SLC36A4: variants seen among roughly 807,000 people sequenced by gnomAD.
SLC36A4 encodes solute carrier family 36 member 4, also known as neutral amino acid uniporter 4.
In SLC36A4, 49 loss-of-function variants were observed where a neutral mutation model predicts 50.5. The observed-to-expected ratio is 0.97, with a 90% CI of 0.77 to 1.23. The LOEUF (loss-of-function observed/expected upper bound fraction) is 1.23. SLC36A4 is among the 50% of genes most tolerant of loss of function. The pLI, the probability that SLC36A4 is intolerant of heterozygous loss-of-function variation, is 0.00. For synonymous variants in SLC36A4, 207 were observed against 206.5 expected (o/e 1.00, Z -0.02); for missense variants, 611 against 608.4 (o/e 1.00, Z -0.05).
chr11:93,144,652 T>C lies in SLC36A4; in HGVS notation c.*3885A>G, dbSNP rs1859814731. ...TTCTTAGGCATGTTTCCTTATCTCA[T>C]AGGTCAAAACCAATCAGTTTCAGAA... On this transcript the variant is annotated 3_prime_UTR_variant, in exon 11 of 11. Transcript: ENST00000326402. 6.6e-6 allele frequency: 1 copy of C among 152,088 alleles called. No individual in the cohort carries two copies. The highest frequency in any genetic ancestry group is 2.1e-4 in the South Asian group (1 of 4,832). The allele number at this position is 152,088 out of a possible 1,614,324, so 9.4% of individuals were successfully genotyped here.
Position 93,154,280 on chromosome 11 carries a change from G to T in SLC36A4, c.1038-3C>A. The stretch of plus-strand genomic sequence containing the variant: ...GAATTTTCACTGATTGATATAACCT[G>T]TTGAAAAAAATTTTCAAAATTTAGT... On this transcript the variant is annotated splice_region_variant and splice_polypyrimidine_tract_variant and intron_variant, in intron 9 of 10. Transcript: ENST00000326402. The T allele has an allele frequency of 7.4e-7, 1 of 1,348,546 alleles. No homozygotes were observed. The highest frequency in any genetic ancestry group is 9.7e-7 in the Non-Finnish European group (1 of 1,035,126). The allele number at this position is 1,348,546 out of a possible 1,614,324, so 83.5% of individuals were successfully genotyped here. A position where few individuals can be genotyped will look rare whatever the true frequency, so the allele number is the denominator to read the frequency against.
chr11:93,179,862 A>C lies in SLC36A4; in HGVS notation c.540+935T>G, dbSNP rs76145441. On this transcript the variant is annotated intron_variant, in intron 6 of 10. Coordinates refer to ENST00000326402, the MANE Select transcript of SLC36A4 (RefSeq NM_152313.4). ...TATGGCTGAACTCAGTAGTTACAAC[A>C]GAGACCATATGGCCTGCAAAGCAGA... Among the ~76,000 whole-genome samples, 751 of 152,324 alleles carry C rather than the reference A, an allele frequency of 4.9e-3. 6 individuals carry two copies. Among genetic ancestry groups the C allele is most frequent in the African/African-American group, 0.017 (721 of 41,588 alleles).
chr11:93,181,278 T>G (rs1484748496), intron 5 of SLC36A4, among the ~76,000 whole-genome samples: 1 of 152,078 alleles, frequency 6.6e-6, no homozygotes, highest in Non-Finnish European at 1.5e-5. Context: ...TAGCCATACC[T>G]CAGATAAGCA....
intron 3 of SLC36A4, 54 bp from the exon 4 acceptor site, chr11:93,182,948 C>A: frequency 7.8e-7 from 1 of 1,283,780 alleles, no homozygotes; most frequent in Non-Finnish European, 1.1e-6. Flanking sequence ...ATTGAGTAAT[C>A]TTATAAGCAA....
chr11:93,176,415 A>G (rs1357133651), intron 6 of SLC36A4, among the ~76,000 whole-genome samples: 3 of 152,150 alleles, frequency 2.0e-5, no homozygotes, highest in Admixed American at 1.3e-4. Flanking sequence ...TTGCCAGTCT[A>G]TGTCTTTTAA....
rs542201669 is a variant in SLC36A4 at position 93,194,123 on chromosome 11, G to A, written c.55+3655C>T. Among the ~76,000 whole-genome samples, 5 of 151,928 alleles carry A rather than the reference G, an allele frequency of 3.3e-5. No homozygotes were observed. In the East Asian group the frequency reaches 5.8e-4, roughly 18 times the overall value. Reference sequence around the variant, plus strand: ...TTTTAAAAATTAAGTAGAAATAAGGGGAAGTAAATATATCAAAATGTGAGC... The same window carrying A: ...TTTTAAAAATTAAGTAGAAATAAGGAGAAGTAAATATATCAAAATGTGAGC... On this transcript the variant is annotated intron_variant, in intron 1 of 10. Transcript: ENST00000326402.
Position 93,162,894 on chromosome 11 carries a change from A to T in SLC36A4, c.868-19T>A, listed in dbSNP as rs1192351907. On this transcript the variant is annotated intron_variant, in intron 8 of 10. Transcript: ENST00000326402. The stretch of plus-strand genomic sequence containing the variant: ...GAAGGACCTAAGAAAAGAATACAAT[A>T]CTTTTTTTTAAGGGAATACAAGTAT... The T allele has an allele frequency of 1.2e-6, 2 of 1,602,822 alleles. No homozygotes were observed. Among genetic ancestry groups the T allele is most frequent in the African/African-American group, 2.7e-5 (2 of 74,158 alleles).
At position 93,158,362 on chromosome 11, in the gene SLC36A4, T is replaced by A. The variant is rs1565218385; in HGVS notation, c.1038-4085A>T. On this transcript the variant is annotated intron_variant, in intron 9 of 10. Coordinates refer to ENST00000326402, the MANE Select transcript of SLC36A4 (RefSeq NM_152313.4). ...TGGTAATAATATATTTAACATTTTT[T>A]AAAATAAAAATACATCATTTTGCAT... 6.6e-5 allele frequency among the ~76,000 whole-genome samples: 10 copies of A among 152,184 alleles called. No individual in the cohort carries two copies. The South Asian group carries it at 1.9e-3, about 28-fold the overall frequency.
Position 93,148,664 on chromosome 11 carries a change from C to G in SLC36A4, c.1388G>C (p.Gly463Ala). The G allele has an allele frequency of 6.2e-7, 1 of 1,612,748 alleles. No homozygotes were observed. Among genetic ancestry groups the G allele is most frequent in the Non-Finnish European group, 8.5e-7 (1 of 1,179,300 alleles). The change falls in exon 11 of 11, where the codon GGC (glycine) becomes GCC (alanine). Residue 463 changes from glycine (G) to alanine (A), a missense_variant. Transcript: ENST00000326402. ...NISIAFTGVV[G>A]FLLGTYITVE... ...AGTTATATATGTACCTAATAAGAAG[C>G]CAACAACTCCAGTGAATGCTATAGA...
intron 1 of SLC36A4, among the ~76,000 whole-genome samples, chr11:93,192,478 C>T (rs1041995901): frequency 1.3e-5 from 2 of 152,138 alleles, no homozygotes; most frequent in African/African-American, 2.4e-5. Flanking sequence ...GCCACTAGAG[C>T]AGTGCCTTCC....
intron 6 of SLC36A4, among the ~76,000 whole-genome samples, chr11:93,169,611 T>C (rs1861039945): frequency 6.6e-6 from 1 of 152,160 alleles, no homozygotes; most frequent in Non-Finnish European, 1.5e-5. Flanking sequence ...CTGCAGAGAA[T>C]ATATCTATTA....
chr11:93,178,252 CATT>C (rs1375555975), intron 6 of SLC36A4, among the ~76,000 whole-genome samples: 1 of 152,158 alleles, frequency 6.6e-6, no homozygotes, highest in Non-Finnish European at 1.5e-5. Context: ...TGGAAAAGCG[CATT>C]ATTAGGGTGG....
chr11:93,165,106 A>G (rs1860803086), intron 8 of SLC36A4, among the ~76,000 whole-genome samples: 1 of 152,188 alleles, frequency 6.6e-6, no homozygotes, highest in African/African-American at 2.4e-5. Context: ...CTAAAGGAGA[A>G]TTCACAGAGA....
rs980872934 is a variant in SLC36A4, at chr11:93,151,134, T to C, written c.1208-2290A>G. Among the ~76,000 whole-genome samples the C allele has an allele frequency of 3.9e-5, 6 of 152,158 alleles. No individual in the cohort carries two copies. The East Asian group carries it at 1.2e-3, about 29-fold the overall frequency. On this transcript the variant is annotated intron_variant, in intron 10 of 10. Transcript: ENST00000326402. ...TGTAAAAATGGTTTGAAATATGCTA[T>C]TGGTAATGTTATTAGTAGACAAAGA...
intron 6 of SLC36A4, among the ~76,000 whole-genome samples, chr11:93,168,702 C>A (rs1860993931): frequency 6.6e-6 from 1 of 151,978 alleles, no homozygotes; most frequent in Non-Finnish European, 1.5e-5. Flanking sequence ...AAATTATCAT[C>A]ACTATCAATA....
chr11:93,160,406 T>G, intron 9 of SLC36A4: 2 of 985,416 alleles, frequency 2.0e-6, no homozygotes, highest in African/African-American at 3.5e-5. Flanking sequence ...CTTCCTTGAA[T>G]AGAAACTATG....
intron 1 of SLC36A4, chr11:93,197,344 A>C: frequency 5.5e-6 from 1 of 182,268 alleles, no homozygotes; most frequent in South Asian, 1.0e-4. Context: ...CCTGTTCGAA[A>C]CTCTGGGATA....
chr11:93,176,671 T>C (rs1449941930), intron 6 of SLC36A4, among the ~76,000 whole-genome samples: 5 of 152,174 alleles, frequency 3.3e-5, no homozygotes, highest in African/African-American at 1.2e-4. Context: ...CAGCATTTGC[T>C]TGTCTGTAAA....
intron 1 of SLC36A4, among the ~76,000 whole-genome samples, chr11:93,196,554 G>A (rs1215618343): frequency 6.6e-6 from 1 of 152,180 alleles, no homozygotes; most frequent in Non-Finnish European, 1.5e-5. Flanking sequence ...TTTTAGTAGA[G>A]ACGGGGTTTC....
Sources: gnomAD v4.1 joint callset for allele counts (sites outside exome capture counted in the v4.1 genomes callset) on GRCh38, gnomAD v4.1.1 for gene constraint, MANE v1.5 for transcripts, NCBI Gene and HGNC (gene_info 2026-07-23, HGNC 2026-07-21) for gene names.